FBXO7: variants seen among roughly 807,000 people sequenced by gnomAD.
FBXO7 encodes the protein F-box only protein 7.
In FBXO7, 31 loss-of-function variants were observed where a neutral mutation model predicts 50.2. The observed-to-expected ratio is 0.62, with a 90% CI of 0.46 to 0.83. The LOEUF is 0.83. Among genes scored for constraint, FBXO7 ranks in the 40% least tolerant of loss-of-function variants. The pLI is 0.00. For synonymous variants in FBXO7, 256 were observed against 253.1 expected, an observed-to-expected ratio of 1.01 and a Z score of -0.11; for missense variants, 667 against 646.6, an observed-to-expected ratio of 1.03 and a Z score of -0.34.
At chr22:32,481,036 C>G (rs377341182) in intron 2 of FBXO7, among the ~76,000 whole-genome samples, 16 of 152,054 alleles carry the variant, frequency 1.1e-4, no homozygotes, top group African/African-American at 3.9e-4. Flanking sequence ...AATACACATG[C>G]CTTCTTGTTA....
At chr22:32,495,007 A>G (rs2057563382) in intron 7 of FBXO7, among the ~76,000 whole-genome samples, 2 of 152,250 alleles carry the variant, frequency 1.3e-5, no homozygotes, top group Non-Finnish European at 2.9e-5. Flanking sequence ...CATTCAGGAC[A>G]TCGTTGGGAG....
At chr22:32,498,020 G>T in intron 8 of FBXO7, 124 bp from the exon 9 acceptor site, 1 of 1,108,200 alleles carries the variant, frequency 9.0e-7, no homozygotes. Context: ...ATTGGTTTGG[G>T]ACTAAATCCA....
In FBXO7 at chr22:32,475,163, G is replaced by GGGAGTGC. The variant is rs1340723802; in HGVS notation, c.122+40_122+46dup. On this transcript the variant is annotated intron_variant, in intron 1 of 8. Transcript: ENST00000266087. Reference sequence around the variant, plus strand: ...GGGGCTGGGCGGCCCGCGGGGAGTGGGGAGTGCTTGGGGTGGGTGCAGGGC... The same window carrying GGGAGTGC: ...GGGGCTGGGCGGCCCGCGGGGAGTGGGGAGTGCGGAGTGCTTGGGGTGGGTGCAGGGC... 2.0e-6 allele frequency: 3 copies of GGGAGTGC among 1,531,702 alleles called. No individual in the cohort carries two copies. In the East Asian group the frequency reaches 7.5e-5, roughly 38 times the overall value. The allele number at this position is 1,531,702 out of a possible 1,614,324, so 94.9% of individuals were successfully genotyped here. A position where few individuals can be genotyped will look rare whatever the true frequency, so the allele number is the denominator to read the frequency against.
At chr22:32,475,441 G>GAGGAGGGAACGCACAATTT in intron 1 of FBXO7, 1 of 1,606,694 alleles carries the variant, frequency 6.2e-7, no homozygotes, top group Non-Finnish European at 8.5e-7. Flanking sequence ...GAACCAGGGA[G>GAGGAGGGAACGCACAATTT]AGGAGGGAAC....
At chr22:32,497,131 G>T (rs922055538) in intron 8 of FBXO7, among the ~76,000 whole-genome samples, 1 of 152,164 alleles carries the variant, frequency 6.6e-6, no homozygotes, top group Non-Finnish European at 1.5e-5. Context: ...TGCTTCTTAC[G>T]GATAAAGAGA....
At chr22:32,480,955 C>T (rs983710420) in intron 2 of FBXO7, among the ~76,000 whole-genome samples, 6 of 152,186 alleles carry the variant, frequency 3.9e-5, no homozygotes, top group African/African-American at 9.7e-5. Flanking sequence ...TGTGAGCCAC[C>T]GTGCCTGGCC....
intron 8 of FBXO7, 41 bp from the exon 9 acceptor site, chr22:32,498,103 A>G: frequency 6.2e-7 from 1 of 1,603,788 alleles, no homozygotes; most frequent in African/African-American, 1.3e-5. Flanking sequence ...CATCCAGATC[A>G]CTTACCTTAT....
At chr22:32,491,353 C>T in intron 6 of FBXO7, 172 bp downstream of exon 6, 1 of 575,792 alleles carries the variant, frequency 1.7e-6, no homozygotes, top group Non-Finnish European at 3.1e-6. Flanking sequence ...ATCTTTGTAT[C>T]TCCATGCCAT....
At position 32,491,070 on chromosome 22, in the gene FBXO7, T is replaced by G. The variant is rs747680710; in HGVS notation, c.872-16T>G. The G allele has an allele frequency of 3.0e-5, 48 of 1,597,914 alleles. No individual in the cohort carries two copies. Among genetic ancestry groups the G allele is most frequent in the Non-Finnish European group, 4.0e-5 (47 of 1,165,940 alleles). On this transcript the variant is annotated splice_polypyrimidine_tract_variant and intron_variant, in intron 5 of 8. Coordinates refer to ENST00000266087, the MANE Select transcript of FBXO7 (RefSeq NM_012179.4). Reference sequence around the variant, plus strand: ...CTTGATTTTGGGTTTTGATTTTACTTTAAAAAATATTCTAGGGGAAAATGT... The same window carrying G: ...CTTGATTTTGGGTTTTGATTTTACTGTAAAAAATATTCTAGGGGAAAATGT...
Position 32,487,807 on chromosome 22 carries a change from T to C in FBXO7, c.850T>C (p.Phe284Leu). ...AAGATTGCAGCTGCTACCAGAATCT[T>C]TTATTTGCAAAGAGAAACTAGGTAA... The part of the protein sequence containing the change: ...VKRLQLLPES[F>L]ICKEKLGENV... The change falls in exon 5 of 9, where the codon TTT becomes CTT. Residue 284 changes from phenylalanine to leucine, a missense_variant. Physicochemically the swap from Phe to Leu is conservative, Grantham distance 22 (BLOSUM62 0). Coordinates refer to ENST00000266087, the MANE Select transcript of FBXO7 (RefSeq NM_012179.4). 3 of 1,608,242 alleles carry C rather than the reference T, an allele frequency of 1.9e-6. No homozygotes were observed. The highest frequency in any genetic ancestry group is 2.6e-6 in the Non-Finnish European group (3 of 1,175,242).
rs2057587984 is a variant in FBXO7, at chr22:32,498,177, TC to T, written c.1220del (p.Pro407ArgfsTer6). The T allele has an allele frequency of 1.1e-5, 18 of 1,614,048 alleles. No individual in the cohort carries two copies. The highest frequency in any genetic ancestry group is 1.5e-5 in the Non-Finnish European group (18 of 1,180,022). On this transcript the variant is annotated frameshift_variant, in exon 9 of 9. Transcript: ENST00000266087. LOFTEE classifies it low-confidence loss of function (END_TRUNC). ...GAAGAGGCACATACAAAGAAAAGAATCCCCGAAAGGGCGGTTTGTGATGCTC... is the reference window on the plus strand; with the variant it reads ...GAAGAGGCACATACAAAGAAAAGAATCCCGAAAGGGCGGTTTGTGATGCTC... ...YRKRHIQRKE[S>X]PKGRFVMLLP...
chr22:32,487,523 G>A, intron 4 of FBXO7: 2 of 464,372 alleles, frequency 4.3e-6, no homozygotes, highest in Non-Finnish European at 7.8e-6. Context: ...GATGCTTACT[G>A]TAGTTTTTAA....
In FBXO7 at chr22:32,493,185, C is replaced by T. The variant is rs780834791; in HGVS notation, c.1048C>T (p.Arg350Cys). ...KLRIFRLLDV[R>C]SVLSLSAVCR... ...ACGGATCTTCCGACTTCTGGATGTT[C>T]GTTCCGTCTTGTCTTTGTCTGCGGT... The change falls in exon 7 of 9, where the codon CGT becomes TGT. Residue 350 changes from arginine (R) to cysteine (C), a missense_variant. Coordinates refer to ENST00000266087, the MANE Select transcript of FBXO7 (RefSeq NM_012179.4). 2.7e-5 allele frequency: 43 copies of T among 1,614,024 alleles called. No homozygotes were observed. The highest frequency in any genetic ancestry group is 1.6e-4 in the Middle Eastern group (1 of 6,084).
At position 32,498,575 on chromosome 22, in the gene FBXO7, T is replaced by C. The variant is rs375964315; in HGVS notation, c.*45T>C. On this transcript the variant is annotated 3_prime_UTR_variant, in exon 9 of 9. Coordinates refer to ENST00000266087, the MANE Select transcript of FBXO7 (RefSeq NM_012179.4). The stretch of plus-strand genomic sequence containing the variant: ...CTGGAGCTCCATTTGTTTTTGTTTC[T>C]AAACTACAGATGTCAACTCCTTGGG... 5.0e-6 allele frequency: 8 copies of C among 1,584,866 alleles called. No individual in the cohort carries two copies. Among genetic ancestry groups the C allele is most frequent in the African/African-American group, 1.3e-5 (1 of 74,546 alleles).
chr22:32,492,480 G>A (rs2057544007), intron 6 of FBXO7: 1 of 152,316 alleles, frequency 6.6e-6, no homozygotes, highest in South Asian at 2.1e-4. Context: ...TCTTGGCTTT[G>A]TTTCTGAATT....
chr22:32,475,249 G>A lies in FBXO7; in HGVS notation c.122+125G>A. ...TGGCCGGGCGATAGGCCAAGTGCGGGGACGCCGGGGGGGCCTTCACGGGAG... is the reference window on the plus strand; with the variant it reads ...TGGCCGGGCGATAGGCCAAGTGCGGAGACGCCGGGGGGGCCTTCACGGGAG... On this transcript the variant is annotated intron_variant, in intron 1 of 8. Transcript: ENST00000266087. The A allele has an allele frequency of 3.2e-6, 5 of 1,541,182 alleles. 1 individual carries two copies. In the South Asian group the frequency reaches 6.0e-5, roughly 19 times the overall value.
intron 6 of FBXO7, chr22:32,492,816 G>A: frequency 2.3e-6 from 1 of 430,946 alleles, no homozygotes; most frequent in Non-Finnish European, 4.2e-6. Context: ...GAGACCATTG[G>A]CTAGTATTTA....
rs1190983281 is a variant in FBXO7 at position 32,491,135 on chromosome 22, C to T, written c.921C>T (p.Leu307=). ...AAGATCTTCAGAAACTCTCTCGCCTCTTTAAAGACCAGCTGGTGTATCCTC... is the reference window on the plus strand; with the variant it reads ...AAGATCTTCAGAAACTCTCTCGCCTTTTTAAAGACCAGCTGGTGTATCCTC... The part of the protein sequence containing the change: ...IYKDLQKLSR[L]FKDQLVYPLL... The change falls in exon 6 of 9, where the codon CTC becomes CTT. Residue 307 remains leucine (L), a synonymous_variant. Coordinates refer to ENST00000266087, the MANE Select transcript of FBXO7 (RefSeq NM_012179.4). 1.9e-6 allele frequency: 3 copies of T among 1,613,286 alleles called. No homozygotes were observed. The African/African-American group carries it at 4.0e-5, about 22-fold the overall frequency.
Position 32,484,077 on chromosome 22 carries a change from A to G in FBXO7, c.598A>G (p.Ile200Val). 1 of 1,614,188 alleles carries G rather than the reference A, an allele frequency of 6.2e-7. No individual in the cohort carries two copies. Among genetic ancestry groups the G allele is most frequent in the Non-Finnish European group, 8.5e-7 (1 of 1,180,020 alleles). Residue 200 changes from isoleucine to valine, a missense_variant, in exon 3 of 9, where the codon ATA becomes GTA. Transcript: ENST00000266087. ...CTGTTCTGATGCCAATGATGCCTTG[A>G]TAGTGTTGATACATCTTCTCATGTT... The part of the protein sequence containing the change: ...ADCSDANDAL[I>V]VLIHLLMLES...
Sources: gnomAD v4.1 joint callset for allele counts (sites outside exome capture counted in the v4.1 genomes callset) on GRCh38, gnomAD v4.1.1 for gene constraint, MANE v1.5 for transcripts, NCBI Gene and HGNC (gene_info 2026-07-23, HGNC 2026-07-21) for gene names.